Variants in PCDH11X observed in about 807,000 individuals in gnomAD.
PCDH11X encodes the protein protocadherin-11 X-linked.
In PCDH11X, 18 loss-of-function variants were observed where a neutral mutation model predicts 53.3. The observed-to-expected ratio is 0.34, with a 90% CI of 0.23 to 0.50. The LOEUF (loss-of-function observed/expected upper bound fraction) is 0.50. Among genes scored for constraint, PCDH11X ranks in the 20% least tolerant of loss-of-function variants. The probability of loss-of-function intolerance (pLI) is 0.98; values close to 1 mark genes in which losing one functional copy is unlikely to be tolerated. For missense variants in PCDH11X, 570 were observed against 1,032.4 expected, an observed-to-expected ratio of 0.55 and a Z score of 6.14; for synonymous variants, 279 against 393.3, an observed-to-expected ratio of 0.71 and a Z score of 3.44.
chrX:92,419,670 T>TA (rs2071910888), intron 9 of PCDH11X, among the ~76,000 whole-genome samples: 1 of 16,537 alleles, frequency 6.0e-5, no homozygotes. Context: ...CCCTCCACCC[T>TA]TTTTTTTTTT....
intron 4 of PCDH11X, among the ~76,000 whole-genome samples, chrX:91,819,855 T>A (rs1161072097): frequency 2.3e-5 from 2 of 88,824 alleles, no homozygotes; most frequent in East Asian, 7.9e-4. Context: ...CAGAGTGTGA[T>A]GTTCCCCTTC....
intron 6 of PCDH11X, among the ~76,000 whole-genome samples, chrX:91,891,918 A>G (rs752137399): frequency 0.051 from 4,749 of 93,894 alleles, 383 homozygotes; most frequent in African/African-American, 0.18. Context: ...TTGTGAGTAT[A>G]TAATATCAGG....
chrX:92,486,860 G>T (rs2073651951), intron 10 of PCDH11X, among the ~76,000 whole-genome samples: 1 of 107,599 alleles, frequency 9.3e-6, no homozygotes. Flanking sequence ...AAGGATTTTA[G>T]TATATCTTTT....
intron 8 of PCDH11X, among the ~76,000 whole-genome samples, chrX:92,345,571 G>A (rs1001996178): frequency 2.7e-5 from 3 of 111,129 alleles, no homozygotes; most frequent in Non-Finnish European, 5.7e-5. Context: ...TGTTTAAACA[G>A]ATTTTATTAA....
chrX:91,829,724 T>A (rs1296107725), intron 4 of PCDH11X, among the ~76,000 whole-genome samples: 1 of 111,458 alleles, frequency 9.0e-6, no homozygotes, highest in Non-Finnish European at 1.9e-5. Context: ...GAATGTGAAA[T>A]TAATGCCTAT....
chrX:92,256,697 A>T (rs1372811281), intron 7 of PCDH11X, among the ~76,000 whole-genome samples: 1 of 110,716 alleles, frequency 9.0e-6, no homozygotes, highest in African/African-American at 3.3e-5. Context: ...ATTCTTCTTG[A>T]TACTCTTCCT....
chrX:92,087,541 A>G (rs1417809274), intron 6 of PCDH11X, among the ~76,000 whole-genome samples: 2 of 111,343 alleles, frequency 1.8e-5, no homozygotes, highest in Non-Finnish European at 3.8e-5. Flanking sequence ...TGAGATAGAG[A>G]TTTCTCCGAA....
At chrX:92,314,660 G>A (rs6615361) in intron 8 of PCDH11X, among the ~76,000 whole-genome samples, 27,548 of 109,591 alleles carry the variant, frequency 0.25, 2,849 homozygotes, top group East Asian at 0.69. Flanking sequence ...TGATGGCTAC[G>A]AAGTCACTAG....
chrX:91,784,863 G>A (rs1935276735), intron 1 of PCDH11X, among the ~76,000 whole-genome samples: 1 of 111,262 alleles, frequency 9.0e-6, no homozygotes, highest in Non-Finnish European at 1.9e-5. Flanking sequence ...AGAAGCTAAG[G>A]GGAAAGAAAA....
intron 6 of PCDH11X, among the ~76,000 whole-genome samples, chrX:92,198,012 G>C (rs918518898): frequency 9.0e-6 from 1 of 110,820 alleles, no homozygotes; most frequent in Non-Finnish European, 1.9e-5. Context: ...CTTATTGTTA[G>C]AATGATTTTC....
At chrX:92,081,525 A>G (rs2063856791) in intron 6 of PCDH11X, among the ~76,000 whole-genome samples, 1 of 110,662 alleles carries the variant, frequency 9.0e-6, no homozygotes, top group Admixed American at 9.7e-5. Context: ...GTGGCTAATC[A>G]TTGTAGGCTA....
intron 6 of PCDH11X, among the ~76,000 whole-genome samples, chrX:92,175,277 G>C (rs1358945345): frequency 1.8e-5 from 2 of 111,672 alleles, no homozygotes; most frequent in Admixed American, 1.9e-4. Flanking sequence ...GCACCCAGCC[G>C]TAATTTACAA....
intron 10 of PCDH11X, among the ~76,000 whole-genome samples, chrX:92,532,758 C>A (rs2074582241): frequency 9.2e-6 from 1 of 108,812 alleles, no homozygotes; most frequent in Non-Finnish European, 1.9e-5. Flanking sequence ...TAAAGACATA[C>A]ATAAGACAGG....
At chrX:92,310,295 G>A (rs2148480600) in intron 8 of PCDH11X, among the ~76,000 whole-genome samples, 1 of 112,492 alleles carries the variant, frequency 8.9e-6, no homozygotes, top group South Asian at 3.6e-4. Flanking sequence ...TTTTAATTTT[G>A]TCAACATCAC....
chrX:91,932,050 C>T (rs904530095), intron 6 of PCDH11X, among the ~76,000 whole-genome samples: 2 of 111,053 alleles, frequency 1.8e-5, no homozygotes, highest in Non-Finnish European at 3.8e-5. Flanking sequence ...TCTCATTGTT[C>T]AGCTCCCATT....
chrX:92,498,228 C>T (rs900391025), intron 10 of PCDH11X, among the ~76,000 whole-genome samples: 9 of 110,989 alleles, frequency 8.1e-5, no homozygotes, highest in African/African-American at 2.9e-4. Flanking sequence ...TGAATGTATG[C>T]TCCTTAAAAG....
chrX:92,011,411 A>G (rs889415188), intron 6 of PCDH11X, among the ~76,000 whole-genome samples: 5 of 112,237 alleles, frequency 4.5e-5, no homozygotes, highest in African/African-American at 1.3e-4. Flanking sequence ...AATAATAGCC[A>G]TTCCAAAAAG....
intron 6 of PCDH11X, among the ~76,000 whole-genome samples, chrX:91,996,907 T>C (rs1407745640): frequency 1.7e-5 from 1 of 57,561 alleles, no homozygotes; most frequent in Non-Finnish European, 3.2e-5. Context: ...TCAAAGGTCA[T>C]ATGTGGATTT....
chrX:92,486,403 T>G (rs1488009958), intron 10 of PCDH11X, among the ~76,000 whole-genome samples: 1 of 111,752 alleles, frequency 8.9e-6, no homozygotes, highest in African/African-American at 3.2e-5. Context: ...TAGTAACGTG[T>G]TAGAACAAAC....
Sources: allele counts gnomAD v4.1 joint callset (sites outside exome capture counted in the v4.1 genomes callset), GRCh38; gene constraint gnomAD v4.1.1; transcripts MANE v1.5; gene names NCBI Gene and HGNC (gene_info 2026-07-23, HGNC 2026-07-21).